The following NELL1 variants were observed in gnomAD, a reference collection of about 807,000 sequenced individuals.
NELL1 encodes protein kinase C-binding protein NELL1.
In NELL1, 76 loss-of-function variants were observed where a neutral mutation model predicts 107.4. That is an observed-to-expected ratio of 0.71 (90% CI 0.59 to 0.86). The LOEUF (loss-of-function observed/expected upper bound fraction) is 0.86, where lower values mean the gene tolerates loss of function less well. Among genes scored for constraint, NELL1 ranks in the 40% least tolerant of loss-of-function variants. NELL1 has a pLI of 0.00. For synonymous variants in NELL1, 353 were observed against 341.2 expected (o/e 1.03, Z -0.38); for missense variants, 1,024 against 1,005.5 (o/e 1.02, Z -0.25).
chr11:20,992,051 A>G (rs576597744), intron 12 of NELL1, among the ~76,000 whole-genome samples: 13 of 151,798 alleles, frequency 8.6e-5, no homozygotes, highest in African/African-American at 3.1e-4. Context: ...TGTTTTTAGG[A>G]AGACAAAGAT....
intron 2 of NELL1, among the ~76,000 whole-genome samples, chr11:20,705,442 T>G (rs1333330502): frequency 6.6e-6 from 1 of 151,846 alleles, no homozygotes; most frequent in Admixed American, 6.6e-5. Flanking sequence ...TAAATGGTGC[T>G]GGGAAAACTG....
In NELL1 at chr11:20,797,565, C is replaced by CAAAAAAAAAAA. The variant is rs35016707; in HGVS notation, c.335+13747_335+13757dup. On this transcript the variant is annotated intron_variant, in intron 3 of 19. Coordinates refer to ENST00000357134, the MANE Select transcript of NELL1 (RefSeq NM_006157.5). The stretch of plus-strand genomic sequence containing the variant: ...TGGGCGACAGAGCGAGACTCCATCT[C>CAAAAAAAAAAA]AAAAAAAAAAAAAAAAAAAAAAGAC... Among the ~76,000 whole-genome samples, 21 of 69,298 alleles carry CAAAAAAAAAAA rather than the reference C, an allele frequency of 3.0e-4. 1 individual carries two copies. Among genetic ancestry groups the CAAAAAAAAAAA allele is most frequent in the African/African-American group, 1.2e-3 (20 of 16,072 alleles). 45.5% of individuals were successfully genotyped at this position (69,298 alleles called of 152,430 possible). A position where few individuals can be genotyped will look rare whatever the true frequency, so the allele number is the denominator to read the frequency against.
At chr11:20,916,290 G>A (rs956943655) in intron 5 of NELL1, among the ~76,000 whole-genome samples, 3 of 151,890 alleles carry the variant, frequency 2.0e-5, no homozygotes, top group African/African-American at 4.8e-5. Flanking sequence ...TGGAAAGACA[G>A]GGAAGTAAGG....
intron 14 of NELL1, among the ~76,000 whole-genome samples, chr11:21,297,211 A>C (rs929975665): frequency 1.3e-4 from 20 of 152,038 alleles, no homozygotes; most frequent in African/African-American, 4.8e-4. Context: ...TATTATGGAA[A>C]GAAATGCAAA....
chr11:21,366,024 G>A (rs1449842313), intron 14 of NELL1, among the ~76,000 whole-genome samples: 1 of 152,080 alleles, frequency 6.6e-6, no homozygotes, highest in Admixed American at 6.6e-5. Context: ...CAAGTAATAG[G>A]ACCACATTGT....
chr11:21,168,512 A>C (rs1856533198), intron 13 of NELL1, among the ~76,000 whole-genome samples: 1 of 151,766 alleles, frequency 6.6e-6, no homozygotes, highest in Admixed American at 6.6e-5. Context: ...TTTTTTATCT[A>C]ACAAGATTTT....
In NELL1 at chr11:20,884,171, C is replaced by T. The variant is rs1849461186; in HGVS notation, c.507-1273C>T. 2.0e-5 allele frequency among the ~76,000 whole-genome samples: 3 copies of T among 152,200 alleles called. No homozygotes were observed. In the South Asian group the frequency reaches 6.2e-4, roughly 31 times the overall value. On this transcript the variant is annotated intron_variant, in intron 4 of 19. Transcript: ENST00000357134. ...AATAGTAGAGTAATGGACTGTGCAG[C>T]TAAGATATAAGACTGCAGCGCGACA...
chr11:20,699,816 C>A (rs1272724895), intron 2 of NELL1, among the ~76,000 whole-genome samples: 4 of 152,164 alleles, frequency 2.6e-5, no homozygotes, highest in Non-Finnish European at 5.9e-5. Context: ...ATTGCTGGAT[C>A]AAATGGTAGT....
At chr11:21,448,940 A>G (rs1178028052) in intron 15 of NELL1, among the ~76,000 whole-genome samples, 2 of 152,170 alleles carry the variant, frequency 1.3e-5, no homozygotes, top group Non-Finnish European at 2.9e-5. Flanking sequence ...GGCTATATCA[A>G]TTTGTCAAAA....
chr11:21,338,298 T>C (rs1850482764), intron 14 of NELL1, among the ~76,000 whole-genome samples: 2 of 152,150 alleles, frequency 1.3e-5, no homozygotes, highest in South Asian at 4.1e-4. Context: ...GTAAAGAAAG[T>C]GTAATCCTTC....
Position 21,385,658 on chromosome 11 carries a change from G to A in NELL1, c.1645+14710G>A, listed in dbSNP as rs559630761. Among the ~76,000 whole-genome samples the A allele has an allele frequency of 3.3e-5, 5 of 151,932 alleles. No individual in the cohort carries two copies. The East Asian group carries it at 7.8e-4, about 24-fold the overall frequency. Reference sequence around the variant, plus strand: ...GAAATGTTCTTCCGGCATTGCAGCCGGTATAATCCTTATAAAATATAAATA... The same window carrying A: ...GAAATGTTCTTCCGGCATTGCAGCCAGTATAATCCTTATAAAATATAAATA... On this transcript the variant is annotated intron_variant, in intron 15 of 19. Coordinates refer to ENST00000357134, the MANE Select transcript of NELL1 (RefSeq NM_006157.5).
chr11:21,244,733 T>A (rs781387009), intron 14 of NELL1, among the ~76,000 whole-genome samples: 65 of 152,122 alleles, frequency 4.3e-4, no homozygotes, highest in Non-Finnish European at 8.4e-4. Context: ...CAAATTCATC[T>A]AGCACATAGG....
At chr11:20,914,543 C>T (rs915297288) in intron 5 of NELL1, among the ~76,000 whole-genome samples, 2 of 152,036 alleles carry the variant, frequency 1.3e-5, no homozygotes, top group African/African-American at 4.8e-5. Flanking sequence ...AAATGTGTAT[C>T]ATTAGACTTA....
rs115550477 is a variant in NELL1 at position 20,718,602 on chromosome 11, T to G, written c.184+40542T>G. On this transcript the variant is annotated intron_variant, in intron 2 of 19. Transcript: ENST00000357134. The stretch of plus-strand genomic sequence containing the variant: ...CCCTTGCTCTCAAGGGTCTTCCTCT[T>G]TTAGGTGTCAAACCTAAAACATTTC... Among the ~76,000 whole-genome samples the G allele has an allele frequency of 3.8e-3, 580 of 152,262 alleles. 7 individuals are homozygous for G. Among genetic ancestry groups the G allele is most frequent in the African/African-American group, 0.014 (566 of 41,558 alleles).
intron 4 of NELL1, among the ~76,000 whole-genome samples, chr11:20,878,908 G>A (rs1849356977): frequency 6.6e-6 from 1 of 152,178 alleles, no homozygotes; most frequent in African/African-American, 2.4e-5. Flanking sequence ...TTATCTTAAG[G>A]TGCTTACAGT....
intron 10 of NELL1, among the ~76,000 whole-genome samples, chr11:20,938,926 CTCTCTCTCTCTCTCTG>C (rs767297160): frequency 0.016 from 1,938 of 122,876 alleles, 36 homozygotes; most frequent in African/African-American, 0.048. Flanking sequence ...CTCTCTCTCT[CTCTCTCTCTCTCTCTG>C]TGTGTGTGTG....
chr11:20,873,256 G>A (rs971417840), intron 4 of NELL1, among the ~76,000 whole-genome samples: 1 of 152,078 alleles, frequency 6.6e-6, no homozygotes, highest in Non-Finnish European at 1.5e-5. Flanking sequence ...CCTCAATGGC[G>A]CCATCTAGGG....
Position 20,690,611 on chromosome 11 carries a change from C to A in NELL1, c.184+12551C>A, listed in dbSNP as rs1284745641. Among the ~76,000 whole-genome samples, 213 of 149,220 alleles carry A rather than the reference C, an allele frequency of 1.4e-3. 1 individual carries two copies. Among genetic ancestry groups the A allele is most frequent in the Non-Finnish European group, 2.4e-3 (164 of 67,060 alleles). ...TAGTTGTAGATATGTGGCGTTCTTT[C>A]TGAGGGCTCTGTTCTGTTCCATTGA... On this transcript the variant is annotated intron_variant, in intron 2 of 19. Coordinates refer to ENST00000357134, the MANE Select transcript of NELL1 (RefSeq NM_006157.5).
At chr11:21,520,772 C>T (rs966063728) in intron 15 of NELL1, among the ~76,000 whole-genome samples, 1 of 152,340 alleles carries the variant, frequency 6.6e-6, no homozygotes, top group East Asian at 1.9e-4. Flanking sequence ...CTGCTCCTTA[C>T]CTCATGCTGA....
Sources: allele counts gnomAD v4.1 joint callset (sites outside exome capture counted in the v4.1 genomes callset), GRCh38; gene constraint gnomAD v4.1.1; transcripts MANE v1.5; gene names NCBI Gene and HGNC (gene_info 2026-07-23, HGNC 2026-07-21).